Variants in SARS1 observed in about 807,000 individuals in gnomAD.
SARS1 encodes seryl-tRNA synthetase 1.
Under a neutral mutation model 63.7 loss-of-function variants are expected in SARS1, and 25 were observed. The ratio of observed to expected loss-of-function variants is 0.39; its 90% CI spans 0.29 to 0.55. SARS1 has a LOEUF of 0.55. Among genes scored for constraint, SARS1 ranks in the 20% least tolerant of loss-of-function variants. The pLI is 0.62. For synonymous variants in SARS1, 231 were observed against 243.5 expected, an observed-to-expected ratio of 0.95 and a Z score of 0.48; for missense variants, 417 against 649.7, an observed-to-expected ratio of 0.64 and a Z score of 3.89.
At chr1:109,231,276 T>A (rs1041241680) in intron 5 of SARS1, 1 of 265,306 alleles carries the variant, frequency 3.8e-6, no homozygotes, top group Non-Finnish European at 6.8e-6. Flanking sequence ...TTTTGCTGAC[T>A]GAATCAGAAC....
At chr1:109,215,993 C>T in intron 1 of SARS1, 2 of 983,112 alleles carry the variant, frequency 2.0e-6, no homozygotes. Flanking sequence ...TGTGAGCCAC[C>T]ATGCCTGGCC....
At chr1:109,219,440 A>G (rs1654875264) in intron 1 of SARS1, among the ~76,000 whole-genome samples, 2 of 150,048 alleles carry the variant, frequency 1.3e-5, no homozygotes, top group Non-Finnish European at 3.0e-5. Flanking sequence ...TACCTCCATC[A>G]CCATAAATTC....
intron 1 of SARS1, among the ~76,000 whole-genome samples, chr1:109,221,520 G>C (rs867169753): frequency 6.6e-6 from 1 of 152,134 alleles, no homozygotes; most frequent in African/African-American, 2.4e-5. Flanking sequence ...GGAAGAAACT[G>C]TCATTATTTG....
intron 2 of SARS1, among the ~76,000 whole-genome samples, chr1:109,226,677 A>AAAAATATATAT (rs1178056468): frequency 1.3e-4 from 6 of 44,956 alleles, no homozygotes; most frequent in Non-Finnish European, 2.0e-4. Context: ...AAAAAAAAAA[A>AAAAATATATAT]ATATATATAT....
intron 1 of SARS1, among the ~76,000 whole-genome samples, chr1:109,219,280 T>TATATATATATATATATACAC (rs777650858): frequency 1.6e-5 from 1 of 61,128 alleles, no homozygotes; most frequent in East Asian, 1.0e-3. Flanking sequence ...TATATATATA[T>TATATATATATATATATACAC]ATATATATAG....
At chr1:109,221,107 C>G (rs956018275) in intron 1 of SARS1, among the ~76,000 whole-genome samples, 7 of 149,944 alleles carry the variant, frequency 4.7e-5, no homozygotes, top group African/African-American at 1.7e-4. Context: ...TGTTACCAGG[C>G]TGGAATGCAG....
At position 109,235,551 on chromosome 1, in the gene SARS1, C is replaced by T; in HGVS notation, c.969+120C>T. 1 of 817,674 alleles carries T rather than the reference C, an allele frequency of 1.2e-6. No individual in the cohort carries two copies. Among genetic ancestry groups the T allele is most frequent in the Non-Finnish European group, 1.9e-6 (1 of 521,304 alleles). The allele number at this position is 817,674 out of a possible 1,614,324, so 50.7% of individuals were successfully genotyped here. A position where few individuals can be genotyped will look rare whatever the true frequency, so the allele number is the denominator to read the frequency against. On this transcript the variant is annotated intron_variant, in intron 7 of 10. Coordinates refer to ENST00000234677, the MANE Select transcript of SARS1 (RefSeq NM_006513.4). The surrounding 1 kb of genome is among the most constrained non-coding windows in gnomAD (Gnocchi z 4.7). Reference sequence around the variant, plus strand: ...CTCCAGCTTTTCCTCTCATTGCTTACCTCTGTGTTTCTGGGGAAGTGCATG... The same window carrying T: ...CTCCAGCTTTTCCTCTCATTGCTTATCTCTGTGTTTCTGGGGAAGTGCATG...
intron 4 of SARS1, among the ~76,000 whole-genome samples, chr1:109,229,954 G>C (rs1234871736): frequency 6.6e-6 from 1 of 152,182 alleles, no homozygotes; most frequent in Non-Finnish European, 1.5e-5. Context: ...CTGAGCGGGA[G>C]CTTCCCCTGC....
chr1:109,226,933 G>A (rs1285438061), intron 2 of SARS1, among the ~76,000 whole-genome samples: 2 of 149,506 alleles, frequency 1.3e-5, no homozygotes, highest in Non-Finnish European at 3.0e-5. Flanking sequence ...ATATTCTTAT[G>A]CAAGTTTTGT....
intron 1 of SARS1, among the ~76,000 whole-genome samples, chr1:109,219,494 T>C (rs1003033543): frequency 6.6e-6 from 1 of 151,374 alleles, no homozygotes; most frequent in South Asian, 2.1e-4. Context: ...TTATGTAGTA[T>C]ATACTTTTGC....
chr1:109,228,521 A>G lies in SARS1; in HGVS notation c.288+89A>G. 4 of 851,394 alleles carry G rather than the reference A, an allele frequency of 4.7e-6. No homozygotes were observed. The Admixed American group carries it at 8.1e-5, about 17-fold the overall frequency. 52.7% of individuals were successfully genotyped at this position (851,394 alleles called of 1,614,324 possible). ...AGCAAGTGCTCTCACTCTGCTCCAC[A>G]CAGCATTGTGACATCCTTTCATTTC... On this transcript the variant is annotated intron_variant, in intron 3 of 10. Transcript: ENST00000234677.
Position 109,237,727 on chromosome 1 carries a change from C to A in SARS1, c.1388-4C>A, listed in dbSNP as rs771255154. The A allele has an allele frequency of 6.2e-7, 1 of 1,613,956 alleles. No individual in the cohort carries two copies. The highest frequency in any genetic ancestry group is 1.1e-5 in the South Asian group (1 of 91,078). On this transcript the variant is annotated splice_region_variant and splice_polypyrimidine_tract_variant and intron_variant, in intron 10 of 10. Transcript: ENST00000234677. This position sits in a 1 kb window ranked among gnomAD's most constrained non-coding sequence, Gnocchi z 4.1. ...AGGTCATTTGGTTGGCTCTTCCCTCCCAGGACTGCAAGAACTGATCCCCTT... is the reference window on the plus strand; with the variant it reads ...AGGTCATTTGGTTGGCTCTTCCCTCACAGGACTGCAAGAACTGATCCCCTT...
intron 1 of SARS1, chr1:109,217,129 C>T: frequency 1.0e-6 from 1 of 985,350 alleles, no homozygotes; most frequent in Non-Finnish European, 1.2e-6. Flanking sequence ...GCAGCACTGT[C>T]TGATAGGAAT....
At chr1:109,232,009 A>G (rs1655221673) in intron 6 of SARS1, among the ~76,000 whole-genome samples, 2 of 152,212 alleles carry the variant, frequency 1.3e-5, no homozygotes, top group African/African-American at 4.8e-5. Context: ...CATATTAGAC[A>G]GTGCAGCTGC....
At chr1:109,225,752 A>G (rs1655051048) in intron 2 of SARS1, among the ~76,000 whole-genome samples, 1 of 152,168 alleles carries the variant, frequency 6.6e-6, no homozygotes, top group Admixed American at 6.5e-5. Context: ...CGGCTTAGGA[A>G]ATTAAAGAGC....
intron 1 of SARS1, chr1:109,215,746 C>T: frequency 1.3e-6 from 1 of 779,074 alleles, no homozygotes; most frequent in Non-Finnish European, 1.6e-6. Flanking sequence ...CTCATTATCA[C>T]CCAGATTGGA....
intron 6 of SARS1, among the ~76,000 whole-genome samples, chr1:109,233,249 A>G (rs1270564620): frequency 6.6e-6 from 1 of 152,102 alleles, no homozygotes; most frequent in Non-Finnish European, 1.5e-5. Flanking sequence ...GGGCTCAAAC[A>G]ATCCATCCGC....
intron 2 of SARS1, among the ~76,000 whole-genome samples, chr1:109,228,109 A>G (rs1387839593): frequency 6.6e-6 from 1 of 152,166 alleles, no homozygotes; most frequent in African/African-American, 2.4e-5. Context: ...TCTCTGACCC[A>G]GACAGATTAA....
chr1:109,215,576 G>T (rs1286004639), intron 1 of SARS1: 15 of 985,192 alleles, frequency 1.5e-5, no homozygotes, highest in Non-Finnish European at 1.8e-5. Flanking sequence ...CTTGATAAAG[G>T]TTTGTTAGAG....
Sources: allele counts gnomAD v4.1 joint callset (sites outside exome capture counted in the v4.1 genomes callset), GRCh38; gene constraint gnomAD v4.1.1; non-coding constraint Gnocchi (gnomAD v3.1); transcripts MANE v1.5; gene names NCBI Gene and HGNC (gene_info 2026-07-23, HGNC 2026-07-21).